The following DCC variants were observed in gnomAD, a reference collection of about 807,000 sequenced individuals.
DCC encodes the protein netrin receptor DCC.
A neutral mutation model predicts 172.5 loss-of-function variants in DCC; 58 were observed. The observed-to-expected ratio is 0.34, with a 90% CI of 0.27 to 0.42. The LOEUF (loss-of-function observed/expected upper bound fraction) is 0.42, where lower values mean the gene tolerates loss of function less well. Among genes scored for constraint, DCC ranks in the 10% least tolerant of loss-of-function variants. The pLI, the probability that DCC is intolerant of heterozygous loss-of-function variation, is 1.00. For synonymous variants in DCC, 709 were observed against 644.5 expected (o/e 1.10, Z -1.52); for missense variants, 1,740 against 1,791.0 (o/e 0.97, Z 0.51).
intron 1 of DCC, among the ~76,000 whole-genome samples, chr18:52,651,055 T>C (rs190790850): frequency 1.2e-4 from 18 of 152,338 alleles, no homozygotes; most frequent in African/African-American, 4.3e-4. Flanking sequence ...TGGAAGATCA[T>C]CACCTCCTAC....
At chr18:53,288,732 A>G (rs908903071) in intron 12 of DCC, among the ~76,000 whole-genome samples, 15 of 152,104 alleles carry the variant, frequency 9.9e-5, no homozygotes, top group African/African-American at 3.6e-4. Context: ...TTTCAAAAGT[A>G]AACTACTTCT....
intron 5 of DCC, among the ~76,000 whole-genome samples, chr18:53,013,590 A>C (rs189264514): frequency 1.9e-4 from 29 of 151,688 alleles, no homozygotes; most frequent in Non-Finnish European, 3.8e-4. Context: ...TACCTAATGC[A>C]TGTGGGGCTT....
At chr18:52,703,105 A>G (rs2036152287) in intron 1 of DCC, among the ~76,000 whole-genome samples, 1 of 151,876 alleles carries the variant, frequency 6.6e-6, no homozygotes, top group Non-Finnish European at 1.5e-5. Flanking sequence ...AAGGCTAACC[A>G]CTCTTACTAT....
At chr18:53,087,424 C>G (rs1021652587) in intron 7 of DCC, among the ~76,000 whole-genome samples, 6 of 151,512 alleles carry the variant, frequency 4.0e-5, no homozygotes, top group Non-Finnish European at 5.9e-5. Flanking sequence ...CTGTTCATGT[C>G]CTTCGCCCAC....
chr18:52,674,490 T>C (rs1161249553), intron 1 of DCC, among the ~76,000 whole-genome samples: 1 of 152,262 alleles, frequency 6.6e-6, no homozygotes, highest in South Asian at 2.1e-4. Flanking sequence ...GTTAATCTCT[T>C]CCAGAAACAC....
chr18:53,242,163 G>A (rs2056304805), intron 12 of DCC, among the ~76,000 whole-genome samples: 1 of 152,048 alleles, frequency 6.6e-6, no homozygotes, highest in Non-Finnish European at 1.5e-5. Flanking sequence ...ATCAATCACT[G>A]GTAACAAAGG....
chr18:52,719,053 C>T (rs889388445), intron 1 of DCC, among the ~76,000 whole-genome samples: 1 of 152,100 alleles, frequency 6.6e-6, no homozygotes, highest in Non-Finnish European at 1.5e-5. Context: ...GCCCCAGCCA[C>T]CCTTAGGACT....
intron 9 of DCC, among the ~76,000 whole-genome samples, chr18:53,186,664 T>C (rs1216682715): frequency 1.3e-5 from 2 of 152,260 alleles, no homozygotes; most frequent in African/African-American, 4.8e-5. Flanking sequence ...ATCCAGCCTT[T>C]TATAACATGC....
In DCC at chr18:52,616,921, G is replaced by A. The variant is rs373595006; in HGVS notation, c.92-135133G>A. Among the ~76,000 whole-genome samples, 24 of 152,254 alleles carry A rather than the reference G, an allele frequency of 1.6e-4. 2 individuals are homozygous for A. In the East Asian group the frequency reaches 2.7e-3, roughly 17 times the overall value. On this transcript the variant is annotated intron_variant, in intron 1 of 28. Coordinates refer to ENST00000442544, the MANE Select transcript of DCC (RefSeq NM_005215.4). ...GGAGGTAAGGACAATACTGCAGAATGAGATGCATAAAGGTAATTTGCAAGA... is the reference window on the plus strand; with the variant it reads ...GGAGGTAAGGACAATACTGCAGAATAAGATGCATAAAGGTAATTTGCAAGA...
chr18:53,134,298 C>T (rs1354357606), intron 7 of DCC, among the ~76,000 whole-genome samples: 1 of 152,066 alleles, frequency 6.6e-6, no homozygotes, highest in African/African-American at 2.4e-5. Flanking sequence ...GGCTTTTCTA[C>T]TTTAATTATA....
At chr18:53,164,710 A>G (rs1306812381) in intron 8 of DCC, among the ~76,000 whole-genome samples, 2 of 152,228 alleles carry the variant, frequency 1.3e-5, no homozygotes, top group Non-Finnish European at 2.9e-5. Flanking sequence ...CACCCACAAC[A>G]TTCCATTCTT....
At chr18:53,120,303 G>T (rs1312398782) in intron 7 of DCC, among the ~76,000 whole-genome samples, 1 of 151,690 alleles carries the variant, frequency 6.6e-6, no homozygotes, top group Non-Finnish European at 1.5e-5. Context: ...AACATTTATA[G>T]AATTGCGTTT....
chr18:52,397,317 G>T (rs940899789), intron 1 of DCC, among the ~76,000 whole-genome samples: 5 of 151,938 alleles, frequency 3.3e-5, no homozygotes, highest in African/African-American at 7.2e-5. Flanking sequence ...AGAATCACTC[G>T]CTTATAGCAT....
intron 7 of DCC, among the ~76,000 whole-genome samples, chr18:53,126,993 TTCCAGGAGCCAAAGTCTGGCAA>T (rs1256394687): frequency 6.6e-6 from 1 of 152,100 alleles, no homozygotes; most frequent in African/African-American, 2.4e-5. Flanking sequence ...CTTCGAGGCT[TTCCAGGAGCCAAAGTCTGGCAA>T]TTGTAGGTGC....
At chr18:52,963,263 A>G (rs1182047572) in intron 5 of DCC, among the ~76,000 whole-genome samples, 1 of 151,724 alleles carries the variant, frequency 6.6e-6, no homozygotes, top group African/African-American at 2.4e-5. Context: ...TTATTTCTTT[A>G]TATCTTATTT....
At chr18:52,423,317 G>C (rs1183319475) in intron 1 of DCC, among the ~76,000 whole-genome samples, 1 of 152,098 alleles carries the variant, frequency 6.6e-6, no homozygotes, top group Non-Finnish European at 1.5e-5. Flanking sequence ...TCTTCAAACT[G>C]GGGGATCTGC....
chr18:52,897,047 A>T (rs905299391), intron 2 of DCC, among the ~76,000 whole-genome samples: 4 of 152,338 alleles, frequency 2.6e-5, no homozygotes, highest in South Asian at 2.1e-4. Flanking sequence ...AGGCCAGCTA[A>T]GAAATAACCT....
At chr18:52,829,675 C>G (rs779454853) in intron 2 of DCC, among the ~76,000 whole-genome samples, 7 of 151,666 alleles carry the variant, frequency 4.6e-5, no homozygotes, top group Non-Finnish European at 1.0e-4. Context: ...GATCTGTGTT[C>G]ACATGCATAT....
At chr18:52,642,014 GTATATATATA>G (rs1193018662) in intron 1 of DCC, among the ~76,000 whole-genome samples, 5,245 of 34,474 alleles carry the variant, frequency 0.15, 266 homozygotes, top group East Asian at 0.35. Flanking sequence ...GTGTGTGTGT[GTATATATATA>G]TATATATATA....
Sources: gnomAD v4.1 joint callset for allele counts (sites outside exome capture counted in the v4.1 genomes callset) on GRCh38, gnomAD v4.1.1 for gene constraint, MANE v1.5 for transcripts, NCBI Gene and HGNC (gene_info 2026-07-23, HGNC 2026-07-21) for gene names.